OGA: variants seen among roughly 807,000 people sequenced by gnomAD.
OGA encodes the protein protein O-GlcNAcase.
In OGA, 21 loss-of-function variants were observed where a neutral mutation model predicts 102.0. The ratio of observed to expected loss-of-function variants is 0.21; its 90% CI spans 0.15 to 0.30. The LOEUF is 0.30. Ranked by LOEUF, OGA falls within the 10% of genes least tolerant of loss-of-function variation. OGA has a pLI of 1.00. For synonymous variants in OGA, 408 were observed against 378.2 expected (o/e 1.08, Z -0.91); for missense variants, 765 against 1,107.8 (o/e 0.69, Z 4.39).
chr10:101,790,168 A>G (rs1009902067), intron 14 of OGA, among the ~76,000 whole-genome samples: 1 of 151,808 alleles, frequency 6.6e-6, no homozygotes, highest in African/African-American at 2.4e-5. Context: ...AGAATGCATT[A>G]GTCAGAAGGC....
rs561856384 is a variant in OGA at position 101,800,191 on chromosome 10, G to A, written c.1195+51C>T. 16 of 1,564,384 alleles carry A rather than the reference G, an allele frequency of 1.0e-5. No individual in the cohort carries two copies. In the South Asian group the frequency reaches 1.7e-4, roughly 17 times the overall value. Reference sequence around the variant, plus strand: ...CCCGGGAGACAGTGTTCTTTACTTTGTGACTCAACTATGTGATCTAACCCC... The same window carrying A: ...CCCGGGAGACAGTGTTCTTTACTTTATGACTCAACTATGTGATCTAACCCC... On this transcript the variant is annotated intron_variant, in intron 8 of 15. Coordinates refer to ENST00000361464, the MANE Select transcript of OGA (RefSeq NM_012215.5).
intron 4 of OGA, among the ~76,000 whole-genome samples, chr10:101,809,705 C>CAA (rs373690932): frequency 0.016 from 952 of 59,042 alleles, 12 homozygotes; most frequent in African/African-American, 0.057. Context: ...GACTCTGTCT[C>CAA]AAAAAAAAAA....
At chr10:101,811,001 T>G (rs370753365) in intron 3 of OGA, among the ~76,000 whole-genome samples, 35 of 152,314 alleles carry the variant, frequency 2.3e-4, no homozygotes, top group African/African-American at 8.2e-4. Flanking sequence ...TTGCTTTTTT[T>G]TTTTGTTTTG....
In OGA at chr10:101,791,235, T is replaced by C. The variant is rs1040091492; in HGVS notation, c.2261+119A>G. On this transcript the variant is annotated intron_variant, in intron 13 of 15. Coordinates refer to ENST00000361464, the MANE Select transcript of OGA (RefSeq NM_012215.5). ...CTAGAAATGCACACATATTCAGATT[T>C]TACTAAAGCCAAAGTGGGATTTAAA... 1.2e-5 allele frequency: 15 copies of C among 1,228,436 alleles called. No homozygotes were observed. The Admixed American group carries it at 1.5e-4, about 12-fold the overall frequency. The allele number at this position is 1,228,436 out of a possible 1,614,324, so 76.1% of individuals were successfully genotyped here. A position where few individuals can be genotyped will look rare whatever the true frequency, so the allele number is the denominator to read the frequency against.
intron 7 of OGA, among the ~76,000 whole-genome samples, chr10:101,802,346 C>T (rs1478757703): frequency 6.6e-6 from 1 of 152,152 alleles, no homozygotes; most frequent in African/African-American, 2.4e-5. Flanking sequence ...AGTACAATTG[C>T]CTATAAGCCT....
At chr10:101,810,436 T>C in intron 3 of OGA, 122 bp from the exon 4 acceptor site, 1 of 938,154 alleles carries the variant, frequency 1.1e-6, no homozygotes. Flanking sequence ...CCTCACATTT[T>C]ACAAATTGTC....
intron 13 of OGA, 63 bp from the exon 14 acceptor site, chr10:101,791,151 G>A: frequency 1.3e-6 from 2 of 1,505,190 alleles, no homozygotes; most frequent in Middle Eastern, 1.8e-4. Context: ...TCAGACTTCA[G>A]TGATCCAAGA....
At chr10:101,800,497 A>G in intron 7 of OGA, 97 bp from the exon 8 acceptor site, 1 of 880,024 alleles carries the variant, frequency 1.1e-6, no homozygotes, top group South Asian at 1.8e-5. Context: ...TCACAGTATA[A>G]CCACAGAAAC....
intron 3 of OGA, chr10:101,812,774 A>G: frequency 1.8e-6 from 1 of 562,750 alleles, no homozygotes; most frequent in Non-Finnish European, 3.3e-6. Context: ...CACTGGCAGA[A>G]GTAAGCAGCA....
At chr10:101,805,183 T>C (rs1404209037) in intron 6 of OGA, among the ~76,000 whole-genome samples, 1 of 152,078 alleles carries the variant, frequency 6.6e-6, no homozygotes, top group Non-Finnish European at 1.5e-5. Flanking sequence ...ACTACAGGTG[T>C]GCACCAGCCC....
At chr10:101,786,864 T>C (rs1349612199) in intron 15 of OGA, among the ~76,000 whole-genome samples, 1 of 152,140 alleles carries the variant, frequency 6.6e-6, no homozygotes, top group Non-Finnish European at 1.5e-5. Flanking sequence ...GCCTCCCGGC[T>C]TCAAGCAAGT....
Position 101,800,354 on chromosome 10 carries a change from ATTTTC to A in OGA, c.1078_1082del (p.Glu360Ter). The A allele has an allele frequency of 6.2e-7, 1 of 1,613,308 alleles. No homozygotes were observed. Among genetic ancestry groups the A allele is most frequent in the Non-Finnish European group, 8.5e-7 (1 of 1,179,256 alleles). ...TTTCAATATCTTCATCACTGCCTTC[ATTTTC>A]TAATTTTATCTGGATGGACACAGTA... On this transcript the variant is annotated frameshift_variant, in exon 8 of 16. Transcript: ENST00000361464. LOFTEE classifies it high-confidence loss of function.
In OGA at chr10:101,785,092, G is replaced by GT. The variant is rs2065179228; in HGVS notation, c.*1358dup. ...CCCCTCTCCCCTCACTCAGCTCAAA[G>GT]TTAAACAGCTGATGCAAAACTACAG... On this transcript the variant is annotated 3_prime_UTR_variant, in exon 16 of 16. Transcript: ENST00000361464. 6.6e-6 allele frequency: 1 copy of GT among 152,060 alleles called. No individual in the cohort carries two copies. The highest frequency in any genetic ancestry group is 1.5e-5 in the Non-Finnish European group (1 of 68,016). 9.4% of individuals were successfully genotyped at this position (152,060 alleles called of 1,614,324 possible).
In OGA at chr10:101,791,453, C is replaced by A; in HGVS notation, c.2176-14G>T. On this transcript the variant is annotated splice_polypyrimidine_tract_variant and intron_variant, in intron 12 of 15. Coordinates refer to ENST00000361464, the MANE Select transcript of OGA (RefSeq NM_012215.5). ...GTACACGGATGCCTGAAAATATAAT[C>A]TAGTTAAGCAACACATCAAGAAAAA... The A allele has an allele frequency of 6.2e-7, 1 of 1,605,302 alleles. No homozygotes were observed. Among genetic ancestry groups the A allele is most frequent in the Non-Finnish European group, 8.5e-7 (1 of 1,172,410 alleles).
intron 12 of OGA, among the ~76,000 whole-genome samples, chr10:101,792,348 C>T (rs2065269653): frequency 6.6e-6 from 1 of 152,160 alleles, no homozygotes; most frequent in Non-Finnish European, 1.5e-5. Flanking sequence ...ACCATGTTGC[C>T]TAGGCTGGTC....
In OGA at chr10:101,800,196, T is replaced by G. The variant is rs1321420165; in HGVS notation, c.1195+46A>C. The G allele has an allele frequency of 3.8e-6, 6 of 1,575,356 alleles. No individual in the cohort carries two copies. The South Asian group carries it at 6.7e-5, about 18-fold the overall frequency. ...GAGACAGTGTTCTTTACTTTGTGAC[T>G]CAACTATGTGATCTAACCCCCTTAA... On this transcript the variant is annotated intron_variant, in intron 8 of 15. Transcript: ENST00000361464.
chr10:101,794,079 C>T (rs1188256153), intron 10 of OGA, 81 bp from the exon 11 acceptor site: 1 of 937,154 alleles, frequency 1.1e-6, no homozygotes, highest in South Asian at 1.4e-5. Context: ...AACTGACAAA[C>T]ACTTCGTGGA....
rs1256665302 is a variant in OGA, at chr10:101,810,313, C to A, written c.351G>T (p.Glu117Asp). ...CAGCAGAGATGAGAGTCATAAGTTG[C>A]TCTAAAGAACAGAGTCTATGTTTTT... ...WREMYSVEEAEQLMTLISAAR... is the reference protein window; with the variant it reads ...WREMYSVEEADQLMTLISAAR... Residue 117 changes from glutamate to aspartate, a missense_variant and splice_region_variant, in exon 4 of 16, where the codon GAG (glutamate) becomes GAT (aspartate). Transcript: ENST00000361464. 4 of 1,608,096 alleles carry A rather than the reference C, an allele frequency of 2.5e-6. No individual in the cohort carries two copies. The highest frequency in any genetic ancestry group is 3.4e-6 in the Non-Finnish European group (4 of 1,177,636).
Position 101,790,883 on chromosome 10 carries a change from A to C in OGA, c.2454+13T>G, listed in dbSNP as rs760298972. The C allele has an allele frequency of 1.3e-6, 2 of 1,551,882 alleles. No homozygotes were observed. Among genetic ancestry groups the C allele is most frequent in the Admixed American group, 3.8e-5 (2 of 53,000 alleles). On this transcript the variant is annotated intron_variant, in intron 14 of 15. Coordinates refer to ENST00000361464, the MANE Select transcript of OGA (RefSeq NM_012215.5). ...GACCATTACCATAGTATAATTCTTA[A>C]CCTTTGTATTACCTCAGCCTCAGAG...
Sources: allele counts gnomAD v4.1 joint callset (sites outside exome capture counted in the v4.1 genomes callset), GRCh38; gene constraint gnomAD v4.1.1; transcripts MANE v1.5; gene names NCBI Gene and HGNC (gene_info 2026-07-23, HGNC 2026-07-21).